CLEC2A: variants seen among roughly 807,000 people sequenced by gnomAD.
CLEC2A encodes the protein C-type lectin domain family 2 member A, also known as keratinocyte-associated C-type lectin.
CLEC2A carries 19 observed loss-of-function variants against 18.6 expected under a neutral mutation model. That is an observed-to-expected ratio of 1.02 (90% CI 0.71 to 1.50). The LOEUF (loss-of-function observed/expected upper bound fraction) is 1.50. CLEC2A is among the 40% of genes most tolerant of loss of function. The pLI, the probability that CLEC2A is intolerant of heterozygous loss-of-function variation, is 0.00. For synonymous variants in CLEC2A, 74 were observed against 64.0 expected (o/e 1.16, Z -0.75); for missense variants, 190 against 207.9 (o/e 0.91, Z 0.53).
intron 3 of CLEC2A, among the ~76,000 whole-genome samples, chr12:9,921,249 A>G (rs774282542): frequency 5.2e-4 from 79 of 152,206 alleles, no homozygotes; most frequent in Non-Finnish European, 8.2e-4. Flanking sequence ...AGTTAGGGGC[A>G]CTGACCGCCT....
intron 4 of CLEC2A, among the ~76,000 whole-genome samples, chr12:9,904,134 C>G (rs1862873500): frequency 6.6e-6 from 1 of 152,170 alleles, no homozygotes; most frequent in African/African-American, 2.4e-5. Flanking sequence ...CCCAGAAATG[C>G]TAAGTTTTCT....
downstream of CLEC2A, among the ~76,000 whole-genome samples, chr12:9,908,983 C>T (rs1055734980): frequency 2.6e-5 from 4 of 152,134 alleles, no homozygotes; most frequent in Non-Finnish European, 5.9e-5. Context: ...TCACATATAC[C>T]TTTTGAGTTT....
downstream of CLEC2A, among the ~76,000 whole-genome samples, chr12:9,898,260 C>T (rs1053717956): frequency 2.0e-5 from 3 of 152,324 alleles, no homozygotes; most frequent in Admixed American, 6.5e-5. Flanking sequence ...ATTGACCCTC[C>T]TGGTCCTCAA....
intron 4 of CLEC2A, among the ~76,000 whole-genome samples, chr12:9,915,828 C>G (rs1863061877): frequency 6.6e-6 from 1 of 152,116 alleles, no homozygotes; most frequent in African/African-American, 2.4e-5. Flanking sequence ...TGTAACAAAC[C>G]TACACATTTT....
At chr12:9,888,177 G>A in the CLEC2A span, among the ~76,000 whole-genome samples, 10 of 150,658 alleles carry the variant, frequency 6.6e-5, no homozygotes, top group African/African-American at 2.4e-4. Context: ...CATACATGAA[G>A]TCTAAGATCT....
At chr12:9,925,993 C>A (rs1300500347) in intron 2 of CLEC2A, among the ~76,000 whole-genome samples, 1 of 152,202 alleles carries the variant, frequency 6.6e-6, no homozygotes, top group African/African-American at 2.4e-5. Context: ...CTGTTGCCAT[C>A]TGGTGGTCAT....
chr12:9,920,104 C>A (rs1052090655), intron 3 of CLEC2A, among the ~76,000 whole-genome samples: 5 of 152,154 alleles, frequency 3.3e-5, no homozygotes, highest in African/African-American at 1.2e-4. Context: ...CAGGGAGGTG[C>A]AATGCTGTTA....
chr12:9,891,905 A>ATGAAAATATGACATGTTTTAACT, the CLEC2A span, among the ~76,000 whole-genome samples: 1 of 152,228 alleles, frequency 6.6e-6, no homozygotes, highest in Non-Finnish European at 1.5e-5. Context: ...TAAAATATTA[A>ATGAAAATATGACATGTTTTAACT]TGAAAATATG....
At chr12:9,923,748 T>A (rs1300191305) in intron 2 of CLEC2A, among the ~76,000 whole-genome samples, 1 of 152,058 alleles carries the variant, frequency 6.6e-6, no homozygotes. Context: ...CTATGCAGCC[T>A]TAAAAAAGGA....
At chr12:9,890,053 C>T in the CLEC2A span, among the ~76,000 whole-genome samples, 1 of 151,940 alleles carries the variant, frequency 6.6e-6, no homozygotes, top group African/African-American at 2.4e-5. Context: ...AATACATAAT[C>T]AATATTTTCC....
intron 2 of CLEC2A, among the ~76,000 whole-genome samples, chr12:9,925,378 G>C (rs1018863493): frequency 6.6e-6 from 1 of 152,178 alleles, no homozygotes; most frequent in Non-Finnish European, 1.5e-5. Context: ...AATTATGAAG[G>C]TCAAGCTGCA....
downstream of CLEC2A, among the ~76,000 whole-genome samples, chr12:9,911,844 A>T (rs1050665989): frequency 6.6e-6 from 1 of 152,122 alleles, no homozygotes; most frequent in Non-Finnish European, 1.5e-5. Flanking sequence ...TGATAGGGTT[A>T]GATATCTCAT....
At chr12:9,922,553 G>A (rs1327951263) in intron 2 of CLEC2A, among the ~76,000 whole-genome samples, 4 of 152,206 alleles carry the variant, frequency 2.6e-5, no homozygotes, top group Non-Finnish European at 1.5e-5. Context: ...GTAGAGTGCT[G>A]GAGATCTGCA....
downstream of CLEC2A, among the ~76,000 whole-genome samples, chr12:9,894,828 G>A (rs1355439731): frequency 1.3e-5 from 2 of 151,910 alleles, no homozygotes; most frequent in Non-Finnish European, 2.9e-5. Flanking sequence ...TTGAAAAAAA[G>A]TAAGATTTAT....
chr12:9,930,413 T>C (rs549065730), intron 1 of CLEC2A, among the ~76,000 whole-genome samples: 2 of 152,092 alleles, frequency 1.3e-5, no homozygotes, highest in Non-Finnish European at 2.9e-5. Flanking sequence ...ATATTTGTGG[T>C]TTTTGTGATT....
intron 4 of CLEC2A, 48 bp downstream of exon 4, chr12:9,916,652 C>T (rs1863076166): frequency 5.1e-6 from 6 of 1,179,954 alleles, no homozygotes; most frequent in East Asian, 2.5e-5. Context: ...TAAAATTTTT[C>T]ATATGACACA....
intron 4 of CLEC2A, among the ~76,000 whole-genome samples, chr12:9,905,140 C>A (rs577144698): frequency 1.3e-5 from 2 of 152,252 alleles, no homozygotes; most frequent in South Asian, 4.2e-4. Flanking sequence ...TTATTAAGCC[C>A]TTTTTAGAGT....
exon 5 of CLEC2A, chr12:9,898,919 C>T: frequency 1.4e-6 from 1 of 716,212 alleles, no homozygotes; most frequent in Non-Finnish European, 2.6e-6. Context: ...TAAGGGGTCC[C>T]AGCAGAAGAA....
chr12:9,913,637 C>T lies in CLEC2A; in HGVS notation c.454G>A (p.Asp152Asn), dbSNP rs1327074511. The T allele has an allele frequency of 1.3e-5, 20 of 1,549,950 alleles. No homozygotes were observed. The highest frequency in any genetic ancestry group is 2.4e-5 in the East Asian group (1 of 40,898). ...AATCCTCTGGAACTATGGACTCCAT[C>T]AGCACTCAAGAAAGCAAAGGATCCG... is the stretch of plus-strand genomic sequence containing the variant. ...GNGSFAFLSA[D>N]GVHSSRGFID... Residue 152 changes from aspartate to asparagine, a missense_variant, in exon 5 of 5, where the codon GAT (aspartate) becomes AAT (asparagine). Physicochemically the swap from Asp to Asn is conservative, Grantham distance 23 (BLOSUM62 1). Transcript: ENST00000455827.
Sources: allele counts gnomAD v4.1 joint callset (sites outside exome capture counted in the v4.1 genomes callset), GRCh38; gene constraint gnomAD v4.1.1; transcripts MANE v1.5; gene names NCBI Gene and HGNC (gene_info 2026-07-23, HGNC 2026-07-21).